EXOC4: variants seen among roughly 807,000 people sequenced by gnomAD.
EXOC4 encodes SEC8-like 1.
A neutral mutation model predicts 107.2 loss-of-function variants in EXOC4; 71 were observed. That is an observed-to-expected ratio of 0.66 (90% CI 0.55 to 0.81). EXOC4 has a LOEUF of 0.81. EXOC4 is among the 30% of genes least tolerant of loss of function. EXOC4 has a pLI of 0.00. For missense variants in EXOC4, 1,108 were observed against 1,189.6 expected, an observed-to-expected ratio of 0.93 and a Z score of 1.01; for synonymous variants, 456 against 441.2, an observed-to-expected ratio of 1.03 and a Z score of -0.42.
Position 133,484,123 on chromosome 7 carries a change from CA to C in EXOC4, c.1417+3986del. ...TTTACAAAAGTTAAGTTCCTGCCAA[CA>C]TTTTCAATTTATCATACAATTAGAA... On this transcript the variant is annotated intron_variant, in intron 9 of 17. Transcript: ENST00000253861. 7.5e-6 allele frequency: 12 copies of C among 1,610,618 alleles called. No individual in the cohort carries two copies. In the South Asian group the frequency reaches 1.3e-4, roughly 18 times the overall value.
At chr7:134,090,282 T>G in the EXOC4 span, among the ~76,000 whole-genome samples, 1 of 152,148 alleles carries the variant, frequency 6.6e-6, no homozygotes, top group Non-Finnish European at 1.5e-5. Context: ...AGCCACATAG[T>G]TACAAGGTCA....
intron 7 of EXOC4, among the ~76,000 whole-genome samples, chr7:133,433,651 A>G (rs6958570): frequency 0.071 from 10,746 of 152,186 alleles, 1,277 homozygotes; most frequent in African/African-American, 0.24. Context: ...ACAGAAGGAT[A>G]CTCATTTCTT....
intron 10 of EXOC4, among the ~76,000 whole-genome samples, chr7:133,677,610 CTA>C (rs1794092448): frequency 6.6e-6 from 1 of 152,088 alleles, no homozygotes; most frequent in South Asian, 2.1e-4. Flanking sequence ...CCTTCTTTCT[CTA>C]GGTTAATTTC....
chr7:133,355,786 G>A (rs770899542), intron 5 of EXOC4, among the ~76,000 whole-genome samples: 3 of 151,102 alleles, frequency 2.0e-5, no homozygotes, highest in African/African-American at 2.4e-5. Context: ...ATACCTCTTC[G>A]TTACCCTATT....
At chr7:133,815,765 C>T (rs953563477) in intron 10 of EXOC4, among the ~76,000 whole-genome samples, 1 of 152,174 alleles carries the variant, frequency 6.6e-6, no homozygotes, top group Middle Eastern at 3.2e-3. Flanking sequence ...TCACAACCAC[C>T]TTCCTCATTT....
intron 9 of EXOC4, among the ~76,000 whole-genome samples, chr7:133,533,952 C>T (rs1234800869): frequency 6.6e-6 from 1 of 152,026 alleles, no homozygotes; most frequent in Non-Finnish European, 1.5e-5. Flanking sequence ...CCTGAATTGT[C>T]CTTGGATAAA....
intron 11 of EXOC4, among the ~76,000 whole-genome samples, chr7:133,859,972 G>A (rs1798498894): frequency 6.6e-6 from 1 of 152,270 alleles, no homozygotes; most frequent in South Asian, 2.1e-4. Context: ...CTGTAGACTA[G>A]AAAACTCCAA....
intron 9 of EXOC4, among the ~76,000 whole-genome samples, chr7:133,601,139 C>T (rs760934178): frequency 2.6e-5 from 4 of 152,022 alleles, no homozygotes; most frequent in East Asian, 1.9e-4. Flanking sequence ...ATATTCTTTT[C>T]GTAGACCTCT....
intron 9 of EXOC4, among the ~76,000 whole-genome samples, chr7:133,583,144 A>G (rs140423965): frequency 5.7e-4 from 86 of 152,146 alleles, no homozygotes; most frequent in African/African-American, 2.0e-3. Flanking sequence ...GTTTCTTCAT[A>G]TTCTCACCAA....
At chr7:133,977,581 T>C (rs1793868227) in intron 14 of EXOC4, among the ~76,000 whole-genome samples, 1 of 152,222 alleles carries the variant, frequency 6.6e-6, no homozygotes, top group Non-Finnish European at 1.5e-5. Context: ...TGGAGTGCAG[T>C]AGGAACTTGT....
intron 9 of EXOC4, among the ~76,000 whole-genome samples, chr7:133,608,657 C>T (rs574799964): frequency 1.4e-5 from 2 of 142,624 alleles, no homozygotes; most frequent in Non-Finnish European, 3.0e-5. Flanking sequence ...TCAAGCGATT[C>T]TCCTGCCCCA....
chr7:133,931,488 T>C (rs1036310606), intron 13 of EXOC4, among the ~76,000 whole-genome samples: 1 of 152,138 alleles, frequency 6.6e-6, no homozygotes, highest in Non-Finnish European at 1.5e-5. Context: ...AATAAAAAAG[T>C]TAACTATTTA....
chr7:133,500,904 A>ACCT (rs1352095758), intron 9 of EXOC4, among the ~76,000 whole-genome samples: 1 of 152,126 alleles, frequency 6.6e-6, no homozygotes, highest in Admixed American at 6.6e-5. Flanking sequence ...GTTAGAATCA[A>ACCT]CCTCAAATCC....
chr7:133,481,214 T>A (rs1799149007), intron 9 of EXOC4: 1 of 151,760 alleles, frequency 6.6e-6, no homozygotes, highest in African/African-American at 2.4e-5. Flanking sequence ...CATATATACA[T>A]ACACACACAG....
intron 9 of EXOC4, among the ~76,000 whole-genome samples, chr7:133,562,274 G>T (rs977538977): frequency 1.3e-5 from 2 of 152,174 alleles, no homozygotes; most frequent in African/African-American, 4.8e-5. Flanking sequence ...TCCAAGCCCA[G>T]GGGTTGGTTT....
At chr7:133,883,265 T>A (rs1799003844) in intron 11 of EXOC4, among the ~76,000 whole-genome samples, 1 of 151,990 alleles carries the variant, frequency 6.6e-6, no homozygotes, top group Admixed American at 6.6e-5. Context: ...ATTGTATGAG[T>A]ATACCACAAT....
At chr7:133,867,160 G>C (rs1275423239) in intron 11 of EXOC4, among the ~76,000 whole-genome samples, 2 of 152,190 alleles carry the variant, frequency 1.3e-5, no homozygotes, top group African/African-American at 2.4e-5. Context: ...AGATTGTCAG[G>C]GTTCAAGCCC....
chr7:134,094,806 A>G, the EXOC4 span, among the ~76,000 whole-genome samples: 2 of 152,130 alleles, frequency 1.3e-5, no homozygotes, highest in East Asian at 3.8e-4. Context: ...AAAAACCCCA[A>G]CAAACTAGGC....
chr7:133,467,656 G>C (rs1332245661), intron 7 of EXOC4, among the ~76,000 whole-genome samples: 2 of 147,644 alleles, frequency 1.4e-5, no homozygotes, highest in Non-Finnish European at 3.0e-5. Flanking sequence ...CCTCTTGTTG[G>C]TCATTTTAAT....
Sources: allele counts gnomAD v4.1 joint callset (sites outside exome capture counted in the v4.1 genomes callset), GRCh38; gene constraint gnomAD v4.1.1; transcripts MANE v1.5; gene names NCBI Gene and HGNC (gene_info 2026-07-23, HGNC 2026-07-21).